Variants in CACNB2 observed in about 807,000 individuals in gnomAD.
The protein encoded by CACNB2 is calcium voltage-gated channel auxiliary subunit beta 2.
Under a neutral mutation model 73.3 loss-of-function variants are expected in CACNB2, and 42 were observed. The ratio of observed to expected loss-of-function variants is 0.57; its 90% CI spans 0.45 to 0.74. The LOEUF is 0.74. Ranked by LOEUF, CACNB2 falls within the 30% of genes least tolerant of loss-of-function variation. The pLI is 0.00. For missense variants in CACNB2, 940 were observed against 853.0 expected, an observed-to-expected ratio of 1.10 and a Z score of -1.27; for synonymous variants, 348 against 310.3, an observed-to-expected ratio of 1.12 and a Z score of -1.28.
chr10:18,522,807 G>A (rs2052039620), intron 9 of CACNB2, among the ~76,000 whole-genome samples: 2 of 146,126 alleles, frequency 1.4e-5, no homozygotes, highest in Non-Finnish European at 3.0e-5. Context: ...GAACCCGGGA[G>A]GCAGACGTTG....
chr10:18,392,100 T>C (rs1006978697), intron 2 of CACNB2, among the ~76,000 whole-genome samples: 1 of 151,908 alleles, frequency 6.6e-6, no homozygotes, highest in Non-Finnish European at 1.5e-5. Context: ...GTGATAGAGT[T>C]AGAAGGGTAG....
At chr10:18,387,428 A>G (rs2132421904) in intron 2 of CACNB2, among the ~76,000 whole-genome samples, 1 of 152,230 alleles carries the variant, frequency 6.6e-6, no homozygotes, top group East Asian at 1.9e-4. Flanking sequence ...CCTCATGTCC[A>G]CTGGGAGTGC....
At chr10:18,486,454 A>C (rs1051804608) in intron 3 of CACNB2, among the ~76,000 whole-genome samples, 4 of 152,196 alleles carry the variant, frequency 2.6e-5, no homozygotes, top group Non-Finnish European at 5.9e-5. Context: ...GGCTGTAAGA[A>C]AATAAAAGTT....
intron 2 of CACNB2, among the ~76,000 whole-genome samples, chr10:18,182,683 G>A (rs561200036): frequency 8.6e-5 from 13 of 151,898 alleles, no homozygotes; most frequent in Non-Finnish European, 1.5e-4. Flanking sequence ...TTAGCCAGGC[G>A]TGGTGGCGTG....
intron 3 of CACNB2, among the ~76,000 whole-genome samples, chr10:18,497,210 AAAAAAAAAAAAAAAG>A: frequency 6.7e-6 from 1 of 148,202 alleles, no homozygotes; most frequent in Non-Finnish European, 1.5e-5. Context: ...AGACTCTGTA[AAAAAAAAAAAAAAAG>A]AAAAGAAGAA....
intron 2 of CACNB2, among the ~76,000 whole-genome samples, chr10:18,197,915 AAT>A (rs2034698075): frequency 6.7e-6 from 1 of 148,394 alleles, no homozygotes; most frequent in African/African-American, 2.5e-5. Context: ...ATTATATATG[AAT>A]ATATATTAAT....
chr10:18,389,894 AT>A (rs1306886041), intron 2 of CACNB2, among the ~76,000 whole-genome samples: 1 of 152,088 alleles, frequency 6.6e-6, no homozygotes, highest in African/African-American at 2.4e-5. Flanking sequence ...TGGCTAATTG[AT>A]TTTTTCGTGA....
chr10:18,275,959 C>T (rs1212843343), intron 2 of CACNB2, among the ~76,000 whole-genome samples: 1 of 152,176 alleles, frequency 6.6e-6, no homozygotes, highest in Non-Finnish European at 1.5e-5. Flanking sequence ...AGTGGTGAAA[C>T]TTTGTTCAGA....
At chr10:18,220,205 A>G (rs1398230116) in intron 2 of CACNB2, among the ~76,000 whole-genome samples, 1,129 of 26,800 alleles carry the variant, frequency 0.042, 21 homozygotes, top group East Asian at 0.051. Context: ...GTGTGTGTAT[A>G]TATATATATA....
chr10:18,443,425 G>A (rs554100419), intron 3 of CACNB2, among the ~76,000 whole-genome samples: 2 of 152,056 alleles, frequency 1.3e-5, no homozygotes, highest in Non-Finnish European at 2.9e-5. Flanking sequence ...AGGAGCCCAG[G>A]CCTCCTTTCT....
intron 11 of CACNB2, among the ~76,000 whole-genome samples, chr10:18,535,887 TGA>T (rs1288200479): frequency 1.3e-5 from 2 of 152,148 alleles, no homozygotes; most frequent in Admixed American, 6.5e-5. Context: ...ATAAAATGTT[TGA>T]GAGCTGCTAG....
intron 2 of CACNB2, among the ~76,000 whole-genome samples, chr10:18,174,384 TTTTCTTTC>T (rs1219657384): frequency 3.8e-4 from 10 of 26,034 alleles, no homozygotes; most frequent in Middle Eastern, 0.015. Context: ...TCTCTTTTTC[TTTTCTTTC>T]TTTCTCTCTT....
chr10:18,298,111 G>A lies in CACNB2; in HGVS notation c.214-103813G>A, dbSNP rs114601261. On this transcript the variant is annotated intron_variant, in intron 2 of 13. Coordinates refer to ENST00000324631, the MANE Select transcript of CACNB2 (RefSeq NM_201596.3). ...AGGCTGGGCGTACTGGCTCACGCCT[G>A]TAATCCTAGCACTTTGGAAGGCTGA... Among the ~76,000 whole-genome samples the A allele has an allele frequency of 4.2e-3, 634 of 152,304 alleles. 2 individuals carry two copies. The highest frequency in any genetic ancestry group is 0.015 in the African/African-American group (604 of 41,578).
intron 3 of CACNB2, among the ~76,000 whole-genome samples, chr10:18,419,066 T>A (rs6482406): frequency 1.3e-5 from 2 of 152,146 alleles, no homozygotes; most frequent in African/African-American, 4.8e-5. Context: ...TCAGTGACAC[T>A]CATCCCCAGG....
intron 2 of CACNB2, among the ~76,000 whole-genome samples, chr10:18,366,937 A>AGTATCACTATATTCCAGCTGTGGAAACT (rs2042379073): frequency 1.3e-5 from 2 of 152,170 alleles, no homozygotes; most frequent in Non-Finnish European, 2.9e-5. Flanking sequence ...GTGGGAAACT[A>AGTATCACTATATTCCAGCTGTGGAAACT]GTATCACTAT....
At chr10:18,527,306 G>C (rs1249497926) in intron 9 of CACNB2, among the ~76,000 whole-genome samples, 2 of 152,014 alleles carry the variant, frequency 1.3e-5, no homozygotes, top group African/African-American at 4.8e-5. Context: ...AACCTGAAAG[G>C]TGGAGATTGC....
intron 7 of CACNB2, among the ~76,000 whole-genome samples, chr10:18,514,785 G>A (rs2051114120): frequency 6.6e-6 from 1 of 152,168 alleles, no homozygotes; most frequent in Non-Finnish European, 1.5e-5. Context: ...GTCAAACACT[G>A]ACAGCTCCAC....
chr10:18,534,336 A>T, intron 11 of CACNB2, 109 bp downstream of exon 11: 1 of 978,988 alleles, frequency 1.0e-6, no homozygotes, highest in Non-Finnish European at 1.6e-6. Flanking sequence ...ATGTATAGAG[A>T]ATTTGAGGAG....
chr10:18,251,601 A>C (rs192879527), intron 2 of CACNB2, among the ~76,000 whole-genome samples: 4 of 152,310 alleles, frequency 2.6e-5, no homozygotes, highest in East Asian at 1.9e-4. Flanking sequence ...GTCCGTTCTC[A>C]CACTGCTCTA....
Sources: gnomAD v4.1 joint callset for allele counts (sites outside exome capture counted in the v4.1 genomes callset) on GRCh38, gnomAD v4.1.1 for gene constraint, MANE v1.5 for transcripts, NCBI Gene and HGNC (gene_info 2026-07-23, HGNC 2026-07-21) for gene names.